RAG1: variants seen among roughly 807,000 people sequenced by gnomAD.
RAG1 encodes V(D)J recombination-activating protein 1.
RAG1 carries 35 observed loss-of-function variants against 62.7 expected under a neutral mutation model. That is an observed-to-expected ratio of 0.56 (90% confidence interval 0.43 to 0.74). The LOEUF (loss-of-function observed/expected upper bound fraction) is 0.74. RAG1 is among the 30% of genes least tolerant of loss of function. The probability of loss-of-function intolerance (pLI) is 0.00; values close to 1 mark genes in which losing one functional copy is unlikely to be tolerated. For synonymous variants in RAG1, 461 were observed against 470.3 expected, an observed-to-expected ratio of 0.98 and a Z score of 0.26; for missense variants, 1,169 against 1,278.6, an observed-to-expected ratio of 0.91 and a Z score of 1.31.
rs936749302 is a variant in RAG1, at chr11:36,571,024, G to C, written c.-14-2267G>C. On this transcript the variant is annotated intron_variant, in intron 1 of 1. Transcript: ENST00000299440. ...TTTGCTGTGCAGAAGCTTTTAACTT[G>C]ATGCAATCCCATTTGTCCACTTTTG... Among the ~76,000 whole-genome samples, 12 of 152,242 alleles carry C rather than the reference G, an allele frequency of 7.9e-5. No individual in the cohort carries two copies. In the South Asian group the frequency reaches 2.1e-3, roughly 26 times the overall value.
At chr11:36,535,768 A>T (rs571644432) in intron 2 of RAG1, among the ~76,000 whole-genome samples, 2,471 of 152,006 alleles carry the variant, frequency 0.016, 21 homozygotes, top group East Asian at 0.035. Flanking sequence ...AATAAATAAA[A>T]TAAATAAATA....
intron 3 of RAG1, among the ~76,000 whole-genome samples, chr11:36,546,494 T>A (rs1850395687): frequency 6.6e-6 from 1 of 152,204 alleles, no homozygotes; most frequent in African/African-American, 2.4e-5. Flanking sequence ...ATGGGTCTCC[T>A]GAATATGCCA....
In RAG1 at chr11:36,575,665, C is replaced by T. The variant is rs766950619; in HGVS notation, c.2361C>T (p.Phe787=). The change falls in exon 2 of 2, where the codon TTC becomes TTT. Residue 787 remains phenylalanine, a synonymous_variant. Coordinates refer to ENST00000299440, the MANE Select transcript of RAG1 (RefSeq NM_000448.3). This position sits in a 1 kb window ranked among gnomAD's most constrained non-coding sequence, Gnocchi z 4.1. ...DRVKGVSAKP[F]IETVPSIDAL... is the part of the protein sequence containing the mutation. ...TGAAAGGGGTCTCAGCTAAACCTTT[C>T]ATTGAGACAGTCCCTTCCATAGATG... The T allele has an allele frequency of 1.2e-6, 2 of 1,614,192 alleles. No individual in the cohort carries two copies. Among genetic ancestry groups the T allele is most frequent in the Non-Finnish European group, 8.5e-7 (1 of 1,180,026 alleles).
At chr11:36,511,396 G>C (rs1258946028) in intron 1 of RAG1, among the ~76,000 whole-genome samples, 1 of 152,194 alleles carries the variant, frequency 6.6e-6, no homozygotes, top group Non-Finnish European at 1.5e-5. Flanking sequence ...CAAGGCTACA[G>C]TAAGCCATGA....
intron 3 of RAG1, among the ~76,000 whole-genome samples, chr11:36,548,036 A>G (rs1233624537): frequency 6.6e-6 from 1 of 152,100 alleles, no homozygotes; most frequent in Non-Finnish European, 1.5e-5. Flanking sequence ...ACATGATTAT[A>G]TCAATAGATG....
intron 2 of RAG1, among the ~76,000 whole-genome samples, chr11:36,533,145 C>T (rs1860279917): frequency 6.6e-6 from 1 of 152,104 alleles, no homozygotes; most frequent in Admixed American, 6.6e-5. Context: ...TCTGGTTCCC[C>T]ATAGAAACAG....
At position 36,575,213 on chromosome 11, in the gene RAG1, A is replaced by G. The variant is rs1198262197; in HGVS notation, c.1909A>G (p.Ser637Gly). 6.2e-7 allele frequency: 1 copy of G among 1,614,222 alleles called. No individual in the cohort carries two copies. Among genetic ancestry groups the G allele is most frequent in the Non-Finnish European group, 8.5e-7 (1 of 1,180,036 alleles). ...FTIMKITIAH[S>G]SQNVKVFEEA... ...AATCATGAAAATTACTATTGCCCAC[A>G]GCTCTCAGAATGTGAAAGTATTTGA... Residue 637 changes from serine (S) to glycine (G), a missense_variant, in exon 2 of 2, where the codon AGC becomes GGC. Coordinates refer to ENST00000299440, the MANE Select transcript of RAG1 (RefSeq NM_000448.3). This position sits in a 1 kb window ranked among gnomAD's most constrained non-coding sequence, Gnocchi z 4.1.
intron 2 of RAG1, among the ~76,000 whole-genome samples, chr11:36,527,935 T>A (rs1860190386): frequency 6.6e-6 from 1 of 152,130 alleles, no homozygotes; most frequent in South Asian, 2.1e-4. Flanking sequence ...ATCCTGAGAC[T>A]TTGCTGAAGT....
Position 36,569,884 on chromosome 11 carries a change from A to G in RAG1, c.-15+1762A>G, listed in dbSNP as rs192467736. 5.3e-5 allele frequency among the ~76,000 whole-genome samples: 8 copies of G among 152,300 alleles called. No individual in the cohort carries two copies. In the East Asian group the frequency reaches 1.5e-3, roughly 29 times the overall value. Reference sequence around the variant, plus strand: ...AACGTATCTACATAAAGGGAATCCTACTATACTTGCTATTGTCATTCTATT... The same window carrying G: ...AACGTATCTACATAAAGGGAATCCTGCTATACTTGCTATTGTCATTCTATT... On this transcript the variant is annotated intron_variant, in intron 1 of 1. Coordinates refer to ENST00000299440, the MANE Select transcript of RAG1 (RefSeq NM_000448.3).
At chr11:36,517,064 G>A (rs1860006242) in intron 1 of RAG1, among the ~76,000 whole-genome samples, 2 of 152,298 alleles carry the variant, frequency 1.3e-5, no homozygotes, top group South Asian at 4.1e-4. Flanking sequence ...ATCTGAGGCA[G>A]GACAGGAGGA....
At chr11:36,525,839 C>T (rs539142991) in intron 2 of RAG1, among the ~76,000 whole-genome samples, 1 of 152,156 alleles carries the variant, frequency 6.6e-6, no homozygotes, top group South Asian at 2.1e-4. Context: ...ACAATCATGT[C>T]ATCTGCAAAT....
chr11:36,534,076 G>A (rs1434118223), intron 2 of RAG1, among the ~76,000 whole-genome samples: 3 of 151,872 alleles, frequency 2.0e-5, no homozygotes, highest in Admixed American at 2.0e-4. Context: ...ATTGATCCCT[G>A]AAGACTTTTT....
At chr11:36,516,544 G>A (rs1859999761) in intron 1 of RAG1, among the ~76,000 whole-genome samples, 1 of 152,168 alleles carries the variant, frequency 6.6e-6, no homozygotes, top group South Asian at 2.1e-4. Flanking sequence ...GGATGGTCTC[G>A]ATCTCCTGAC....
intron 3 of RAG1, among the ~76,000 whole-genome samples, chr11:36,560,016 G>C (rs1306775802): frequency 6.6e-6 from 1 of 152,326 alleles, no homozygotes; most frequent in East Asian, 1.9e-4. Context: ...CTTTTGTAGA[G>C]AAAGACTTTT....
chr11:36,530,772 T>C (rs1460692407), intron 2 of RAG1, among the ~76,000 whole-genome samples: 3 of 151,994 alleles, frequency 2.0e-5, no homozygotes, highest in Non-Finnish European at 4.4e-5. Context: ...TTCAAAAGAA[T>C]GTGTATTCTG....
chr11:36,563,967 G>A (rs1395530514), upstream of RAG1, among the ~76,000 whole-genome samples: 2 of 152,186 alleles, frequency 1.3e-5, no homozygotes, highest in African/African-American at 4.8e-5. Flanking sequence ...TTCCTCCTAT[G>A]TCAATGTTTG....
intron 2 of RAG1, among the ~76,000 whole-genome samples, chr11:36,531,899 A>G (rs1264205586): frequency 6.6e-6 from 1 of 152,016 alleles, no homozygotes; most frequent in Non-Finnish European, 1.5e-5. Flanking sequence ...CTTTAATGGA[A>G]TGCTTCTAAT....
intron 1 of RAG1, among the ~76,000 whole-genome samples, chr11:36,518,786 A>G (rs955404113): frequency 9.2e-5 from 14 of 152,080 alleles, no homozygotes; most frequent in African/African-American, 2.4e-4. Context: ...CTCCCATTCT[A>G]TAGGTTGCCT....
At chr11:36,569,927 A>G (rs556241865) in intron 1 of RAG1, among the ~76,000 whole-genome samples, 5 of 152,278 alleles carry the variant, frequency 3.3e-5, no homozygotes, top group Non-Finnish European at 7.4e-5. Flanking sequence ...TTTTCATGTG[A>G]GCATCTTTCC....
Sources: allele counts gnomAD v4.1 joint callset (sites outside exome capture counted in the v4.1 genomes callset), GRCh38; gene constraint gnomAD v4.1.1; non-coding constraint Gnocchi (gnomAD v3.1); transcripts MANE v1.5; gene names NCBI Gene and HGNC (gene_info 2026-07-23, HGNC 2026-07-21).